GRID2: variants seen among roughly 807,000 people sequenced by gnomAD.
GRID2 encodes glutamate receptor ionotropic, delta-2.
A neutral mutation model predicts 114.8 loss-of-function variants in GRID2; 33 were observed. The ratio of observed to expected loss-of-function variants is 0.29; its 90% CI spans 0.22 to 0.38. GRID2 has a LOEUF of 0.38. Ranked by LOEUF, GRID2 falls within the 10% of genes least tolerant of loss-of-function variation. GRID2 has a pLI of 1.00. For missense variants in GRID2, 1,184 were observed against 1,257.7 expected (o/e 0.94, Z 0.89); for synonymous variants, 505 against 449.9 (o/e 1.12, Z -1.55).
In GRID2 at chr4:93,216,931, A is replaced by C; in HGVS notation, c.963+20A>C. 6.4e-7 allele frequency: 1 copy of C among 1,570,950 alleles called. No individual in the cohort carries two copies. Among genetic ancestry groups the C allele is most frequent in the African/African-American group, 1.3e-5 (1 of 74,170 alleles). On this transcript the variant is annotated intron_variant, in intron 6 of 15. Coordinates refer to ENST00000282020, the MANE Select transcript of GRID2 (RefSeq NM_001510.4). ...ATGGAGGTATATTATAAATGACAGG[A>C]TATTTCTTCCAGGGTGCTTTGTTGG... is the stretch of plus-strand genomic sequence containing the variant.
chr4:92,682,444 C>G (rs996094457), intron 2 of GRID2, among the ~76,000 whole-genome samples: 3 of 152,124 alleles, frequency 2.0e-5, no homozygotes, highest in Admixed American at 6.5e-5. Context: ...GCCTTTGATG[C>G]GATTTTGATC....
intron 1 of GRID2, among the ~76,000 whole-genome samples, chr4:92,528,318 C>T (rs1725145057): frequency 6.7e-6 from 1 of 148,802 alleles, no homozygotes; most frequent in Non-Finnish European, 1.5e-5. Flanking sequence ...TATATGTATT[C>T]AAAGATAATT....
intron 14 of GRID2, among the ~76,000 whole-genome samples, chr4:93,676,762 A>G (rs1480344478): frequency 6.6e-6 from 1 of 151,464 alleles, no homozygotes; most frequent in Non-Finnish European, 1.5e-5. Flanking sequence ...ACAAAAAAAA[A>G]AAAAAGAAAG....
At chr4:92,459,300 T>C (rs1205523281) in intron 1 of GRID2, among the ~76,000 whole-genome samples, 3 of 152,160 alleles carry the variant, frequency 2.0e-5, no homozygotes, top group Non-Finnish European at 2.9e-5. Context: ...CAAATACATA[T>C]GCCAAAGTCC....
In GRID2 at chr4:92,481,154, C is replaced by T. The variant is rs558441716; in HGVS notation, c.89-108977C>T. Among the ~76,000 whole-genome samples the T allele has an allele frequency of 3.3e-5, 5 of 152,210 alleles. No individual in the cohort carries two copies. The East Asian group carries it at 9.7e-4, about 29-fold the overall frequency. On this transcript the variant is annotated intron_variant, in intron 1 of 15. Coordinates refer to ENST00000282020, the MANE Select transcript of GRID2 (RefSeq NM_001510.4). ...ATTAATATAGCTGTACTGACAAGTA[C>T]ACAAAATTGGAAGTTTAATTTACTC...
chr4:93,259,631 T>C (rs1174731167), intron 8 of GRID2, among the ~76,000 whole-genome samples: 2 of 151,854 alleles, frequency 1.3e-5, no homozygotes, highest in African/African-American at 4.8e-5. Flanking sequence ...ATGCAAAGCC[T>C]TTGACTATTC....
rs1342323663 is a variant in GRID2 at position 92,997,748 on chromosome 4, C to A, written c.245-87247C>A. ...GGTTTTCAAGTAATCCTATAGGCTTCAGAGTTTGAAGTCCTGCATTGAAAT... is the reference window on the plus strand; with the variant it reads ...GGTTTTCAAGTAATCCTATAGGCTTAAGAGTTTGAAGTCCTGCATTGAAAT... On this transcript the variant is annotated intron_variant, in intron 2 of 15. Coordinates refer to ENST00000282020, the MANE Select transcript of GRID2 (RefSeq NM_001510.4). Among the ~76,000 whole-genome samples, 4 of 152,112 alleles carry A rather than the reference C, an allele frequency of 2.6e-5. No individual in the cohort carries two copies. In the East Asian group the frequency reaches 7.7e-4, roughly 29 times the overall value.
At chr4:92,762,922 C>T (rs759208424) in intron 2 of GRID2, among the ~76,000 whole-genome samples, 6 of 152,140 alleles carry the variant, frequency 3.9e-5, no homozygotes, top group Non-Finnish European at 8.8e-5. Flanking sequence ...TTTTCCATGT[C>T]TTCTTCAGAC....
In GRID2 at chr4:92,373,166, CTTTG is replaced by C. The variant is rs996155344; in HGVS notation, c.88+68428_88+68431del. Among the ~76,000 whole-genome samples the C allele has an allele frequency of 5.3e-5, 8 of 152,250 alleles. No individual in the cohort carries two copies. The East Asian group carries it at 1.4e-3, about 26-fold the overall frequency. The stretch of plus-strand genomic sequence containing the variant: ...ATAATGTCAGGAAGCAGGGGTAATT[CTTTG>C]TTTGTGAATCTAAACAATTCCTTTT... On this transcript the variant is annotated intron_variant, in intron 1 of 15. Transcript: ENST00000282020.
At chr4:92,683,108 G>A (rs1443972878) in intron 2 of GRID2, among the ~76,000 whole-genome samples, 1 of 152,086 alleles carries the variant, frequency 6.6e-6, no homozygotes, top group African/African-American at 2.4e-5. Context: ...GACCATCCTG[G>A]CTAACACGGT....
intron 3 of GRID2, among the ~76,000 whole-genome samples, chr4:93,105,511 C>G (rs1464149580): frequency 6.6e-6 from 1 of 152,118 alleles, no homozygotes; most frequent in African/African-American, 2.4e-5. Flanking sequence ...GATCCAGTTT[C>G]AGCTTTCTAC....
intron 2 of GRID2, among the ~76,000 whole-genome samples, chr4:92,692,096 C>T (rs1734209884): frequency 6.6e-6 from 1 of 152,060 alleles, no homozygotes. Flanking sequence ...ATTAGAGCCC[C>T]CTACCAACAT....
chr4:92,475,530 T>C (rs997183787), intron 1 of GRID2, among the ~76,000 whole-genome samples: 2 of 151,970 alleles, frequency 1.3e-5, no homozygotes, highest in African/African-American at 2.4e-5. Flanking sequence ...TGTTAGCACA[T>C]GTATCTGATT....
rs533408783 is a variant in GRID2, at chr4:92,426,015, C to T, written c.88+121271C>T. The stretch of plus-strand genomic sequence containing the variant: ...TAACCTAATCCCACCTACTTTCTTT[C>T]TCTTTAACATCTCACTTGGACACCT... On this transcript the variant is annotated intron_variant, in intron 1 of 15. Transcript: ENST00000282020. 3.3e-5 allele frequency among the ~76,000 whole-genome samples: 5 copies of T among 152,168 alleles called. No individual in the cohort carries two copies. In the East Asian group the frequency reaches 9.6e-4, roughly 29 times the overall value.
intron 2 of GRID2, among the ~76,000 whole-genome samples, chr4:92,945,111 A>G (rs748971973): frequency 1.3e-5 from 2 of 152,166 alleles, no homozygotes. Context: ...TAAGTCCCTC[A>G]TTCAGTGACT....
intron 11 of GRID2, among the ~76,000 whole-genome samples, chr4:93,485,971 G>C (rs2220178): frequency 0.48 from 73,345 of 151,460 alleles, 19,240 homozygotes; most frequent in Non-Finnish European, 0.61. Context: ...TATCTTTACA[G>C]TATTAAGTCT....
intron 2 of GRID2, among the ~76,000 whole-genome samples, chr4:92,645,663 C>T (rs903245572): frequency 6.6e-6 from 1 of 151,714 alleles, no homozygotes; most frequent in Non-Finnish European, 1.5e-5. Flanking sequence ...TCTCCCTGCT[C>T]ACTACCCCCA....
At position 93,075,136 on chromosome 4, in the gene GRID2, G is replaced by C. The variant is rs541124073; in HGVS notation, c.245-9859G>C. The stretch of plus-strand genomic sequence containing the variant: ...ACTGAAGCCAGCATTATCCTTGCAA[G>C]GATAATTTAACATTCAGAAATCAAT... On this transcript the variant is annotated intron_variant, in intron 2 of 15. Transcript: ENST00000282020. 2.0e-5 allele frequency among the ~76,000 whole-genome samples: 3 copies of C among 152,026 alleles called. No individual in the cohort carries two copies. In the East Asian group the frequency reaches 5.8e-4, roughly 29 times the overall value.
chr4:92,541,033 T>G (rs2149162531), intron 1 of GRID2, among the ~76,000 whole-genome samples: 1 of 152,112 alleles, frequency 6.6e-6, no homozygotes, highest in African/African-American at 2.4e-5. Flanking sequence ...CTCAGCAAAC[T>G]ATTGCAAGGA....
Sources: gnomAD v4.1 joint callset for allele counts (sites outside exome capture counted in the v4.1 genomes callset) on GRCh38, gnomAD v4.1.1 for gene constraint, MANE v1.5 for transcripts, NCBI Gene and HGNC (gene_info 2026-07-23, HGNC 2026-07-21) for gene names.